The following RGS7 variants were observed in gnomAD, a reference collection of about 807,000 sequenced individuals.
RGS7 encodes regulator of G protein signaling 7.
A neutral mutation model predicts 81.1 loss-of-function variants in RGS7; 27 were observed. The observed-to-expected ratio is 0.33, with a 90% confidence interval of 0.25 to 0.46. The LOEUF is 0.46. RGS7 is among the 20% of genes least tolerant of loss of function. The pLI is 1.00. For missense variants in RGS7, 396 were observed against 607.4 expected (o/e 0.65, Z 3.66); for synonymous variants, 208 against 207.7 (o/e 1.00, Z -0.01).
At chr1:240,826,715 C>T (rs934390804) in intron 10 of RGS7, among the ~76,000 whole-genome samples, 1 of 152,154 alleles carries the variant, frequency 6.6e-6, no homozygotes, top group Admixed American at 6.5e-5. Context: ...CACTGAAATA[C>T]AACCACTGTC....
chr1:240,802,333 G>A (rs1380823893), intron 16 of RGS7, among the ~76,000 whole-genome samples: 2 of 152,146 alleles, frequency 1.3e-5, no homozygotes, highest in African/African-American at 4.8e-5. Flanking sequence ...GTTGAATAAT[G>A]AGGTCTACTA....
chr1:240,918,851 A>G (rs1673022695), intron 6 of RGS7, among the ~76,000 whole-genome samples: 1 of 152,008 alleles, frequency 6.6e-6, no homozygotes, highest in Non-Finnish European at 1.5e-5. Context: ...TTAAGAAAAA[A>G]AAAAGAAGAC....
chr1:240,828,523 T>C (rs1179219040), intron 9 of RGS7, among the ~76,000 whole-genome samples: 2 of 152,180 alleles, frequency 1.3e-5, no homozygotes, highest in Admixed American at 6.6e-5. Flanking sequence ...GTGCGGTGGC[T>C]CACGCCTGTA....
intron 2 of RGS7, among the ~76,000 whole-genome samples, chr1:241,285,632 T>G (rs766931057): frequency 2.0e-5 from 3 of 152,194 alleles, no homozygotes; most frequent in Admixed American, 6.5e-5. Context: ...GGTGACATGC[T>G]AACAGCAGCA....
intron 4 of RGS7, among the ~76,000 whole-genome samples, chr1:240,982,589 C>T (rs1468170307): frequency 6.6e-6 from 1 of 152,016 alleles, no homozygotes; most frequent in Non-Finnish European, 1.5e-5. Flanking sequence ...AGGTTTATGA[C>T]TTAAATAGAG....
intron 2 of RGS7, among the ~76,000 whole-genome samples, chr1:241,139,988 T>C (rs191125228): frequency 6.6e-5 from 10 of 152,326 alleles, no homozygotes; most frequent in Admixed American, 2.0e-4. Context: ...TTCTGTGTGC[T>C]ACCCCTTTAT....
chr1:240,827,692 G>A (rs375467047), intron 9 of RGS7, among the ~76,000 whole-genome samples: 6 of 151,818 alleles, frequency 4.0e-5, no homozygotes, highest in South Asian at 2.1e-4. Context: ...GTGAAACCCT[G>A]TCTCTACTAA....
chr1:241,202,621 G>C (rs1344091053), intron 2 of RGS7, among the ~76,000 whole-genome samples: 1 of 152,180 alleles, frequency 6.6e-6, no homozygotes, highest in African/African-American at 2.4e-5. Context: ...ACGCCTGTCT[G>C]TTTAGATTTC....
chr1:240,816,541 C>A (rs1441941437), intron 10 of RGS7, 126 bp from the exon 11 acceptor site: 2 of 668,766 alleles, frequency 3.0e-6, no homozygotes, highest in Non-Finnish European at 5.3e-6. Context: ...AGCTTCTTAA[C>A]AAAATTCAAA....
intron 2 of RGS7, among the ~76,000 whole-genome samples, chr1:241,273,964 C>A (rs1026618334): frequency 6.6e-6 from 1 of 152,170 alleles, no homozygotes; most frequent in Non-Finnish European, 1.5e-5. Context: ...TCATATGCAG[C>A]CACCAAAAGT....
intron 2 of RGS7, among the ~76,000 whole-genome samples, chr1:241,196,620 G>A (rs2073097650): frequency 6.6e-6 from 1 of 151,972 alleles, no homozygotes; most frequent in African/African-American, 2.4e-5. Context: ...ATTTATTGAA[G>A]AACAAAAATT....
chr1:241,194,333 T>G (rs761570013), intron 2 of RGS7, among the ~76,000 whole-genome samples: 51 of 152,308 alleles, frequency 3.3e-4, no homozygotes, highest in Non-Finnish European at 6.2e-4. Context: ...GACATTCAAC[T>G]GAAATATAAT....
chr1:240,812,373 T>C (rs1269030278), intron 13 of RGS7, among the ~76,000 whole-genome samples: 2 of 151,996 alleles, frequency 1.3e-5, no homozygotes, highest in Non-Finnish European at 2.9e-5. Flanking sequence ...CACTTGCCAA[T>C]GTCAGGCAAG....
intron 4 of RGS7, among the ~76,000 whole-genome samples, chr1:240,977,314 C>G (rs112063804): frequency 6.6e-6 from 1 of 152,150 alleles, no homozygotes; most frequent in Non-Finnish European, 1.5e-5. Context: ...TTTAATCTTT[C>G]CGCCACAGTC....
chr1:241,044,338 G>A (rs1441882535), intron 3 of RGS7, among the ~76,000 whole-genome samples: 2 of 152,170 alleles, frequency 1.3e-5, no homozygotes, highest in East Asian at 1.9e-4. Flanking sequence ...TCAAACTCCC[G>A]ACCTCAAGTG....
chr1:241,354,453 G>A (rs1182020476), intron 2 of RGS7, among the ~76,000 whole-genome samples: 2 of 152,116 alleles, frequency 1.3e-5, no homozygotes, highest in African/African-American at 4.8e-5. Context: ...TGCATTCATA[G>A]GTACACAGTA....
chr1:241,147,780 T>TTATATA (rs200770896), intron 2 of RGS7, among the ~76,000 whole-genome samples: 4,130 of 44,136 alleles, frequency 0.094, 490 homozygotes, highest in South Asian at 0.13. Flanking sequence ...AGATTAAGTT[T>TTATATA]TATATATATA....
At chr1:241,310,188 G>T (rs1189246008) in intron 2 of RGS7, among the ~76,000 whole-genome samples, 2 of 152,176 alleles carry the variant, frequency 1.3e-5, no homozygotes, top group African/African-American at 2.4e-5. Flanking sequence ...TTCATTACAA[G>T]AAGACAATAA....
intron 2 of RGS7, among the ~76,000 whole-genome samples, chr1:241,122,787 C>T (rs1216593925): frequency 6.6e-6 from 1 of 152,050 alleles, no homozygotes; most frequent in Non-Finnish European, 1.5e-5. Flanking sequence ...TAAGACAAAG[C>T]CTATTTTATA....
Sources: allele counts gnomAD v4.1 joint callset (sites outside exome capture counted in the v4.1 genomes callset), GRCh38; gene constraint gnomAD v4.1.1; transcripts MANE v1.5; gene names NCBI Gene and HGNC (gene_info 2026-07-23, HGNC 2026-07-21).